NUF2: variants seen among roughly 807,000 people sequenced by gnomAD.
The protein encoded by NUF2 is NUF2 component of NDC80 kinetochore complex, also known as kinetochore protein Nuf2.
A neutral mutation model predicts 61.8 loss-of-function variants in NUF2; 34 were observed. The ratio of observed to expected loss-of-function variants is 0.55; its 90% CI spans 0.42 to 0.73. The LOEUF (loss-of-function observed/expected upper bound fraction) is 0.73, where lower values mean the gene tolerates loss of function less well. Among genes scored for constraint, NUF2 ranks in the 30% least tolerant of loss-of-function variants. The pLI is 0.00. For synonymous variants in NUF2, 172 were observed against 181.6 expected, an observed-to-expected ratio of 0.95 and a Z score of 0.42; for missense variants, 445 against 539.1, an observed-to-expected ratio of 0.83 and a Z score of 1.73.
intron 5 of NUF2, 87 bp downstream of exon 5, chr1:163,328,994 G>T: frequency 1.8e-6 from 1 of 561,894 alleles, no homozygotes; most frequent in Non-Finnish European, 3.0e-6. Context: ...AAAAAAAAAA[G>T]GAAAAAAACA....
chr1:163,337,665 C>T (rs1486035709), intron 6 of NUF2, among the ~76,000 whole-genome samples: 1 of 152,054 alleles, frequency 6.6e-6, no homozygotes, highest in African/African-American at 2.4e-5. Context: ...TTCTTCCCAG[C>T]CATTACCCAA....
chr1:163,345,579 A>T, intron 10 of NUF2, 99 bp from the exon 11 acceptor site: 1 of 1,060,680 alleles, frequency 9.4e-7, no homozygotes, highest in Non-Finnish European at 1.4e-6. Flanking sequence ...AGGTTTCAGT[A>T]TTAAATGTGG....
intron 1 of NUF2, among the ~76,000 whole-genome samples, chr1:163,325,097 A>G (rs894586266): frequency 2.0e-5 from 3 of 151,940 alleles, no homozygotes; most frequent in Non-Finnish European, 4.4e-5. Flanking sequence ...GGGTTTCATC[A>G]TGTTGCCCAG....
chr1:163,347,097 C>T (rs1571396982), intron 11 of NUF2, among the ~76,000 whole-genome samples: 2 of 152,168 alleles, frequency 1.3e-5, no homozygotes, highest in Non-Finnish European at 2.9e-5. Flanking sequence ...ATCTTAGCAT[C>T]AGAAAGTTCC....
intron 9 of NUF2, among the ~76,000 whole-genome samples, chr1:163,342,150 T>C (rs1650968167): frequency 6.6e-6 from 1 of 152,192 alleles, no homozygotes; most frequent in African/African-American, 2.4e-5. Flanking sequence ...CATTGTACTT[T>C]TATAGTTTCC....
chr1:163,350,888 G>A (rs1651295117), intron 13 of NUF2, among the ~76,000 whole-genome samples: 1 of 152,088 alleles, frequency 6.6e-6, no homozygotes, highest in Non-Finnish European at 1.5e-5. Context: ...TACTAGGGCA[G>A]CTTTAATTGT....
Position 163,355,647 on chromosome 1 carries a change from A to T in NUF2, c.*178A>T, listed in dbSNP as rs1047087864. On this transcript the variant is annotated 3_prime_UTR_variant, in exon 14 of 14. Transcript: ENST00000271452. ...ATTTAATGTAGGCTTTTATTAATTT[A>T]TAATTAAAATAACTTGTGCAGCTAT... 53 of 396,232 alleles carry T rather than the reference A, an allele frequency of 1.3e-4. No homozygotes were observed. Among genetic ancestry groups the T allele is most frequent in the Non-Finnish European group, 1.8e-4 (41 of 221,828 alleles). The allele number at this position is 396,232 out of a possible 1,614,324, so 24.5% of individuals were successfully genotyped here. A position where few individuals can be genotyped will look rare whatever the true frequency, so the allele number is the denominator to read the frequency against.
intron 5 of NUF2, among the ~76,000 whole-genome samples, chr1:163,329,189 A>G (rs1308125965): frequency 1.3e-5 from 2 of 152,160 alleles, no homozygotes; most frequent in Non-Finnish European, 1.5e-5. Context: ...ATAATATGTA[A>G]GTATGATTTT....
chr1:163,355,597 C>G lies in NUF2; in HGVS notation c.*128C>G. On this transcript the variant is annotated 3_prime_UTR_variant, in exon 14 of 14. Transcript: ENST00000271452. The stretch of plus-strand genomic sequence containing the variant: ...TGTTGGCTTCATCAGTTTTTATACA[C>G]TCTCATAAGTAGTTAATAAGATGAA... The G allele has an allele frequency of 1.6e-6, 1 of 638,100 alleles. No homozygotes were observed. Among genetic ancestry groups the G allele is most frequent in the East Asian group, 3.0e-5 (1 of 33,206 alleles). 39.5% of individuals were successfully genotyped at this position (638,100 alleles called of 1,614,324 possible). A position where few individuals can be genotyped will look rare whatever the true frequency, so the allele number is the denominator to read the frequency against.
chr1:163,348,903 G>C (rs748403593), intron 12 of NUF2, 42 bp from the exon 13 acceptor site: 7 of 1,587,954 alleles, frequency 4.4e-6, no homozygotes, highest in Non-Finnish European at 6.0e-6. Flanking sequence ...CTTTTTAGTT[G>C]CTGAAGAGGA....
At chr1:163,335,444 A>G (rs1440380235) in intron 5 of NUF2, among the ~76,000 whole-genome samples, 1 of 151,924 alleles carries the variant, frequency 6.6e-6, no homozygotes, top group African/African-American at 2.4e-5. Context: ...TGCTTTTCTT[A>G]TCTTTGTTTC....
At position 163,326,030 on chromosome 1, in the gene NUF2, A is replaced by T; in HGVS notation, c.-20-2A>T. ...ATTTCTCATTGTTTTTTCTTCCTTC[A>T]GATTAACAGGAAACTTCCAAGATGG... On this transcript the variant is annotated splice_acceptor_variant, in intron 1 of 13. Coordinates refer to ENST00000271452, the MANE Select transcript of NUF2 (RefSeq NM_145697.3). LOFTEE classifies it low-confidence loss of function (5UTR_SPLICE). 6.2e-7 allele frequency: 1 copy of T among 1,606,862 alleles called. No homozygotes were observed. The highest frequency in any genetic ancestry group is 1.3e-5 in the African/African-American group (1 of 74,692).
chr1:163,323,915 C>T lies in NUF2; in HGVS notation c.-21+1703C>T, dbSNP rs949850324. ...GGAAAAAAAGAACAGGGAGAAGCCG[C>T]CTTGATGCAAGACGGTCATGATGAA... is the stretch of plus-strand genomic sequence containing the variant. On this transcript the variant is annotated intron_variant, in intron 1 of 13. Coordinates refer to ENST00000271452, the MANE Select transcript of NUF2 (RefSeq NM_145697.3). Among the ~76,000 whole-genome samples, 6 of 152,142 alleles carry T rather than the reference C, an allele frequency of 3.9e-5. No homozygotes were observed. In the East Asian group the frequency reaches 1.2e-3, roughly 29 times the overall value.
intron 10 of NUF2, among the ~76,000 whole-genome samples, chr1:163,344,493 C>G (rs760220839): frequency 1.5e-4 from 23 of 150,962 alleles, no homozygotes; most frequent in Non-Finnish European, 3.4e-4. Flanking sequence ...TTAAACATAG[C>G]AGTACCAAGG....
intron 5 of NUF2, among the ~76,000 whole-genome samples, chr1:163,334,001 T>C (rs941368720): frequency 2.0e-5 from 3 of 152,170 alleles, no homozygotes; most frequent in Non-Finnish European, 2.9e-5. Flanking sequence ...GTCTCCAGTG[T>C]CTGTTCTACT....
At chr1:163,340,953 C>G (rs1189615050) in intron 9 of NUF2, among the ~76,000 whole-genome samples, 1 of 152,072 alleles carries the variant, frequency 6.6e-6, no homozygotes, top group African/African-American at 2.4e-5. Flanking sequence ...TATGTACATA[C>G]ATACATTTCT....
chr1:163,342,712 A>T (rs1336884474), intron 9 of NUF2, among the ~76,000 whole-genome samples: 1 of 152,118 alleles, frequency 6.6e-6, no homozygotes. Flanking sequence ...ATACACACAT[A>T]TAGAGAGAGA....
intron 5 of NUF2, among the ~76,000 whole-genome samples, chr1:163,333,358 A>G (rs1232239704): frequency 1.3e-5 from 2 of 152,072 alleles, no homozygotes; most frequent in Non-Finnish European, 2.9e-5. Flanking sequence ...TAAATTCAAC[A>G]TCACTATCTC....
intron 13 of NUF2, among the ~76,000 whole-genome samples, chr1:163,354,581 TCA>T (rs1306344061): frequency 6.6e-6 from 1 of 152,126 alleles, no homozygotes; most frequent in African/African-American, 2.4e-5. Context: ...AACATTGTAT[TCA>T]TTTACTGCTT....
Sources: allele counts gnomAD v4.1 joint callset (sites outside exome capture counted in the v4.1 genomes callset), GRCh38; gene constraint gnomAD v4.1.1; transcripts MANE v1.5; gene names NCBI Gene and HGNC (gene_info 2026-07-23, HGNC 2026-07-21).